The following MCTP2 variants were observed in gnomAD, a reference collection of about 807,000 sequenced individuals.
MCTP2 encodes multiple C2 and transmembrane domain-containing protein 2.
Under a neutral mutation model 111.6 loss-of-function variants are expected in MCTP2, and 132 were observed. The observed-to-expected ratio is 1.18, with a 90% CI of 1.03 to 1.37. MCTP2 has a LOEUF of 1.37. Among genes scored for constraint, MCTP2 ranks in the 40% most tolerant of loss-of-function variants. MCTP2 has a pLI of 0.00. For synonymous variants in MCTP2, 395 were observed against 387.7 expected (o/e 1.02, Z -0.22); for missense variants, 1,183 against 1,067.9 (o/e 1.11, Z -1.50).
intron 1 of MCTP2, among the ~76,000 whole-genome samples, chr15:94,244,692 A>G (rs1030997928): frequency 6.7e-6 from 1 of 149,288 alleles, no homozygotes; most frequent in Non-Finnish European, 1.5e-5. Flanking sequence ...ATATACGTAT[A>G]TGTATACACA....
In MCTP2 at chr15:94,298,443, G is replaced by A. The variant is rs143256791; in HGVS notation, c.178G>A (p.Ala60Thr). ...TGTGCCTGATCTCCTGGAGGCTGAG[G>A]CCTTGGCCCCAGAGGGCCGGCCTTA... ...LSVPDLLEAE[A>T]LAPEGRPYSG... Residue 60 changes from alanine to threonine, a missense_variant, in exon 2 of 23, where the codon GCC becomes ACC. Ala to Thr is a moderately conservative substitution (Grantham distance 58, BLOSUM62 0). Coordinates refer to ENST00000357742, the MANE Select transcript of MCTP2 (RefSeq NM_001385001.1). 1,624 of 1,614,148 alleles carry A rather than the reference G, an allele frequency of 1.0e-3. 22 individuals carry two copies. The African/African-American group carries it at 0.019, about 19-fold the overall frequency.
intron 12 of MCTP2, among the ~76,000 whole-genome samples, chr15:94,378,899 T>G (rs1489034713): frequency 6.6e-6 from 1 of 152,186 alleles, no homozygotes; most frequent in Non-Finnish European, 1.5e-5. Context: ...TTGCACATTC[T>G]GAGGATCATT....
chr15:94,457,235 A>G (rs1406517459), intron 19 of MCTP2, among the ~76,000 whole-genome samples: 1 of 152,228 alleles, frequency 6.6e-6, no homozygotes. Context: ...CAAAGTCAAT[A>G]AGGGAGCTAG....
rs556098172 is a variant in MCTP2 at position 94,276,060 on chromosome 15, G to A, written c.-65-22141G>A. On this transcript the variant is annotated intron_variant, in intron 1 of 22. Coordinates refer to ENST00000357742, the MANE Select transcript of MCTP2 (RefSeq NM_001385001.1). The stretch of plus-strand genomic sequence containing the variant: ...GGGATTTCACCGTGTTAGCCAGGAT[G>A]GTCTTGATCTCCTGACCTTGTGATC... Among the ~76,000 whole-genome samples, 182 of 152,000 alleles carry A rather than the reference G, an allele frequency of 1.2e-3. No homozygotes were observed. In the Middle Eastern group the frequency reaches 0.02, roughly 17 times the overall value.
intron 2 of MCTP2, among the ~76,000 whole-genome samples, chr15:94,299,489 A>T (rs1400859217): frequency 1.3e-5 from 2 of 152,178 alleles, no homozygotes; most frequent in East Asian, 3.8e-4. Context: ...GTGAACAAGC[A>T]TTCTTTTAAA....
intron 14 of MCTP2, among the ~76,000 whole-genome samples, chr15:94,397,144 A>T (rs1476956403): frequency 6.6e-6 from 1 of 152,150 alleles, no homozygotes. Context: ...ATTTTTTAAG[A>T]TAGTTAAGTC....
At chr15:94,457,988 A>T (rs902674771) in intron 19 of MCTP2, 149 bp from the exon 20 acceptor site, 4 of 537,800 alleles carry the variant, frequency 7.4e-6, no homozygotes, top group African/African-American at 3.9e-5. Flanking sequence ...CTGGGGGGGG[A>T]GTCAATATTT....
At chr15:94,333,936 T>G (rs1367681765) in intron 4 of MCTP2, among the ~76,000 whole-genome samples, 1 of 152,222 alleles carries the variant, frequency 6.6e-6, no homozygotes, top group Non-Finnish European at 1.5e-5. Flanking sequence ...TAAGGAATTT[T>G]CTATCAAACC....
chr15:94,466,102 A>G (rs2073259001), intron 20 of MCTP2, among the ~76,000 whole-genome samples: 1 of 151,918 alleles, frequency 6.6e-6, no homozygotes. Context: ...ATTCTACTTC[A>G]TCAATTTTTC....
chr15:94,307,965 C>A (rs200852467), intron 2 of MCTP2, among the ~76,000 whole-genome samples: 1 of 151,468 alleles, frequency 6.6e-6, no homozygotes, highest in Non-Finnish European at 1.5e-5. Context: ...TAATATAATT[C>A]ATAATAATAA....
In MCTP2 at chr15:94,361,748, A is replaced by G. The variant is rs562105723; in HGVS notation, c.1301+3136A>G. Among the ~76,000 whole-genome samples the G allele has an allele frequency of 7.7e-4, 117 of 152,328 alleles. 1 individual carries two copies. The highest frequency in any genetic ancestry group is 2.6e-3 in the African/African-American group (109 of 41,580). ...TTGATATTTTTTGGTAAAAGTGGGC[A>G]GTGACCATCGTCAAGGACATGGTAG... On this transcript the variant is annotated intron_variant, in intron 10 of 22. Coordinates refer to ENST00000357742, the MANE Select transcript of MCTP2 (RefSeq NM_001385001.1).
chr15:94,354,520 T>G (rs1339421937), intron 8 of MCTP2, among the ~76,000 whole-genome samples: 1 of 152,178 alleles, frequency 6.6e-6, no homozygotes, highest in Non-Finnish European at 1.5e-5. Context: ...GAAGGTGCCT[T>G]GCTTCCCCTT....
intron 4 of MCTP2, among the ~76,000 whole-genome samples, chr15:94,338,522 T>C (rs2077479703): frequency 6.6e-6 from 1 of 150,406 alleles, no homozygotes; most frequent in African/African-American, 2.5e-5. Context: ...TCCATTGATC[T>C]GAAAAATGTG....
At position 94,387,661 on chromosome 15, in the gene MCTP2, G is replaced by A. The variant is rs532657460; in HGVS notation, c.1788+2136G>A. 1.4e-4 allele frequency among the ~76,000 whole-genome samples: 22 copies of A among 152,252 alleles called. 1 individual carries two copies. The South Asian group carries it at 4.6e-3, about 32-fold the overall frequency. On this transcript the variant is annotated intron_variant, in intron 14 of 22. Coordinates refer to ENST00000357742, the MANE Select transcript of MCTP2 (RefSeq NM_001385001.1). ...GATAGAGCTCTAACAATGACCAGAG[G>A]GAGGCTCCCTCCTCTCTTGGAGCTT...
chr15:94,350,126 GGAAGGACTA>G (rs1443748946), intron 8 of MCTP2, among the ~76,000 whole-genome samples: 9 of 152,162 alleles, frequency 5.9e-5, no homozygotes, highest in Admixed American at 5.9e-4. Context: ...AGAAGCCCTG[GGAAGGACTA>G]GAGTATAAAG....
chr15:94,434,853 CTTTCTTTTTTTT>C (rs1290027719), intron 17 of MCTP2, among the ~76,000 whole-genome samples: 49 of 143,866 alleles, frequency 3.4e-4, no homozygotes, highest in Middle Eastern at 3.6e-3. Flanking sequence ...TTCTTTCTTT[CTTTCTTTTTTTT>C]TTTCTTTTTT....
At chr15:94,443,029 G>A in intron 19 of MCTP2, 69 bp downstream of exon 19, 1 of 1,251,434 alleles carries the variant, frequency 8.0e-7, no homozygotes, top group Non-Finnish European at 1.1e-6. Flanking sequence ...ATTCCTTCAG[G>A]TTGAGTCTCT....
chr15:94,469,636 G>A (rs2073738618), intron 20 of MCTP2, among the ~76,000 whole-genome samples: 1 of 152,146 alleles, frequency 6.6e-6, no homozygotes, highest in Non-Finnish European at 1.5e-5. Flanking sequence ...GGGAGGTCAA[G>A]GCAGGAGAAT....
At position 94,470,365 on chromosome 15, in the gene MCTP2, C is replaced by G. The variant is rs369895027; in HGVS notation, c.2393C>G (p.Ser798Cys). The G allele has an allele frequency of 6.2e-7, 1 of 1,613,688 alleles. No individual in the cohort carries two copies. Among genetic ancestry groups the G allele is most frequent in the African/African-American group, 1.3e-5 (1 of 74,904 alleles). ...TFNWTVPFLSSLACLILAAAT... is the reference protein window; with the variant it reads ...TFNWTVPFLSCLACLILAAAT... The stretch of plus-strand genomic sequence containing the variant: ...AACTGGACGGTCCCCTTCCTTTCAT[C>G]TCTGGCCTGTTTGATTCTGGCAGCA... The change falls in exon 21 of 23, where the codon TCT (serine) becomes TGT (cysteine). Residue 798 changes from serine (S) to cysteine (C), a missense_variant. Coordinates refer to ENST00000357742, the MANE Select transcript of MCTP2 (RefSeq NM_001385001.1).
Sources: gnomAD v4.1 joint callset for allele counts (sites outside exome capture counted in the v4.1 genomes callset) on GRCh38, gnomAD v4.1.1 for gene constraint, MANE v1.5 for transcripts, NCBI Gene and HGNC (gene_info 2026-07-23, HGNC 2026-07-21) for gene names.